Variants in HMOX2 observed in about 807,000 individuals in gnomAD.
HMOX2 encodes heme oxygenase (decycling) 2.
Under a neutral mutation model 33.7 loss-of-function variants are expected in HMOX2, and 30 were observed. That is an observed-to-expected ratio of 0.89 (90% CI 0.67 to 1.21). The LOEUF is 1.21. Ranked by LOEUF, HMOX2 falls within the 50% of genes most tolerant of loss-of-function variation. The pLI is 0.00. For synonymous variants in HMOX2, 155 were observed against 155.0 expected (o/e 1.00, Z 0.00); for missense variants, 403 against 399.1 (o/e 1.01, Z -0.08).
rs915604952 is a variant in HMOX2 at position 4,484,367 on chromosome 16, A to C, written c.-42+7880A>C. ...AACAGTAGTATGAGGCCATTTGAGA[A>C]GTATATATAGTTATCCCTCAGTATC... On this transcript the variant is annotated intron_variant, in intron 1 of 5. Transcript: ENST00000570646. Among the ~76,000 whole-genome samples, 7 of 152,250 alleles carry C rather than the reference A, an allele frequency of 4.6e-5. No individual in the cohort carries two copies. The South Asian group carries it at 1.5e-3, about 32-fold the overall frequency.
intron 1 of HMOX2, among the ~76,000 whole-genome samples, chr16:4,499,139 C>T (rs2058496300): frequency 6.6e-6 from 1 of 152,226 alleles, no homozygotes; most frequent in Non-Finnish European, 1.5e-5. Flanking sequence ...TGTTCTTCCT[C>T]AGTGTTTAAC....
At chr16:4,495,644 A>T (rs1259227758) in intron 1 of HMOX2, 1 of 152,238 alleles carries the variant, frequency 6.6e-6, no homozygotes, top group South Asian at 2.1e-4. Flanking sequence ...AGTTTATGTT[A>T]ACATACTTTC....
rs555739482 is a variant in HMOX2 at position 4,509,054 on chromosome 16, C to T, written c.697-358C>T. Among the ~76,000 whole-genome samples the T allele has an allele frequency of 6.6e-4, 100 of 152,312 alleles. 1 individual carries two copies. The highest frequency in any genetic ancestry group is 7.1e-4 in the Non-Finnish European group (48 of 68,022). On this transcript the variant is annotated intron_variant, in intron 4 of 5. Transcript: ENST00000570646. ...CAGCTCACTCTCTCTGGAGGGCGTC[C>T]TCTAAAAGGAGAGTGTAGCCAGGCG...
chr16:4,479,726 A>ATTTTTTTTTTTT (rs58936845), intron 1 of HMOX2, among the ~76,000 whole-genome samples: 2 of 79,850 alleles, frequency 2.5e-5, no homozygotes, highest in Non-Finnish European at 2.3e-5. Flanking sequence ...TTCTTATTCT[A>ATTTTTTTTTTTT]TTTTTTTTTT....
chr16:4,480,334 C>A lies in HMOX2; in HGVS notation c.-42+3847C>A, dbSNP rs186277529. On this transcript the variant is annotated intron_variant, in intron 1 of 5. Coordinates refer to ENST00000570646, the MANE Select transcript of HMOX2 (RefSeq NM_002134.4). ...AAGTGCTAGTATTACAGGCGTGAGCCACAGCACCCGGCCTTTTTTTTTTTT... is the reference window on the plus strand; with the variant it reads ...AAGTGCTAGTATTACAGGCGTGAGCAACAGCACCCGGCCTTTTTTTTTTTT... 8.8e-5 allele frequency among the ~76,000 whole-genome samples: 13 copies of A among 147,178 alleles called. No homozygotes were observed. The East Asian group carries it at 2.7e-3, about 30-fold the overall frequency.
intron 1 of HMOX2, among the ~76,000 whole-genome samples, chr16:4,484,328 T>C (rs773551174): frequency 2.3e-4 from 35 of 152,016 alleles, no homozygotes; most frequent in Admixed American, 5.3e-4. Context: ...TGCCTAAAGG[T>C]AGAAGGATCA....
At chr16:4,479,804 T>A (rs1348854729) in intron 1 of HMOX2, among the ~76,000 whole-genome samples, 3 of 139,460 alleles carry the variant, frequency 2.2e-5, no homozygotes, top group Non-Finnish European at 4.5e-5. Context: ...GGTGGCACAA[T>A]CTCAGCTCAC....
chr16:4,500,361 C>T (rs2058528192), intron 1 of HMOX2, among the ~76,000 whole-genome samples: 1 of 152,166 alleles, frequency 6.6e-6, no homozygotes, highest in Admixed American at 6.6e-5. Flanking sequence ...GCCACTTAGC[C>T]TCCCTGTGTT....
At chr16:4,501,790 G>T (rs962635124) in intron 1 of HMOX2, among the ~76,000 whole-genome samples, 1 of 152,150 alleles carries the variant, frequency 6.6e-6, no homozygotes, top group African/African-American at 2.4e-5. Context: ...GTTGCAAGGT[G>T]GCCTCTGAAT....
At chr16:4,507,122 C>T (rs527842814) in intron 3 of HMOX2, 110 bp downstream of exon 3, 10 of 738,852 alleles carry the variant, frequency 1.4e-5, no homozygotes, top group Non-Finnish European at 2.2e-5. Context: ...CTGGGCTTTT[C>T]TCCACACTCC....
intron 1 of HMOX2, among the ~76,000 whole-genome samples, chr16:4,500,398 T>TG (rs1288470104): frequency 6.6e-6 from 1 of 152,172 alleles, no homozygotes; most frequent in Non-Finnish European, 1.5e-5. Context: ...GAGTTCATGT[T>TG]GTGGGCATCT....
upstream of HMOX2, chr16:4,475,789 A>C (rs951355597): frequency 6.6e-6 from 1 of 152,034 alleles, no homozygotes; most frequent in South Asian, 2.1e-4. Flanking sequence ...AAATACAAAA[A>C]TTAGCCGGGC....
chr16:4,497,699 C>T (rs1004778519), intron 1 of HMOX2, among the ~76,000 whole-genome samples: 1 of 152,104 alleles, frequency 6.6e-6, no homozygotes, highest in Non-Finnish European at 1.5e-5. Context: ...CTTCTCTTCT[C>T]CAGTAAAAAA....
chr16:4,490,011 A>G (rs1389823293), intron 1 of HMOX2, among the ~76,000 whole-genome samples: 4 of 152,234 alleles, frequency 2.6e-5, no homozygotes, highest in Admixed American at 2.6e-4. Context: ...GAAATCATTC[A>G]TTCAGTCAAC....
intron 1 of HMOX2, among the ~76,000 whole-genome samples, chr16:4,481,487 C>T (rs944089755): frequency 6.6e-6 from 1 of 152,010 alleles, no homozygotes; most frequent in African/African-American, 2.4e-5. Context: ...TGTCATTGAG[C>T]ATACAGGTGT....
rs923127486 is a variant in HMOX2 at position 4,486,332 on chromosome 16, A to G, written c.-42+9845A>G. On this transcript the variant is annotated intron_variant, in intron 1 of 5. Transcript: ENST00000570646. The stretch of plus-strand genomic sequence containing the variant: ...CTTGTCCAAAGGACAGCGTGTCCCC[A>G]TGTGTAGGCAGTGGTCTAATCTGGT... 5.3e-5 allele frequency among the ~76,000 whole-genome samples: 8 copies of G among 152,212 alleles called. No homozygotes were observed. The East Asian group carries it at 1.3e-3, about 26-fold the overall frequency.
chr16:4,497,386 G>A (rs1053164008), intron 1 of HMOX2, among the ~76,000 whole-genome samples: 1 of 152,158 alleles, frequency 6.6e-6, no homozygotes, highest in Non-Finnish European at 1.5e-5. Flanking sequence ...AACCATTTTA[G>A]AATTCACTCA....
intron 1 of HMOX2, among the ~76,000 whole-genome samples, chr16:4,502,273 C>G (rs543503150): frequency 6.6e-6 from 1 of 152,186 alleles, no homozygotes; most frequent in South Asian, 2.1e-4. Context: ...TTTAATTAAG[C>G]AAGACTATAC....
At position 4,505,627 on chromosome 16, in the gene HMOX2, G is replaced by T. The variant is rs1210447882; in HGVS notation, c.86+17G>T. On this transcript the variant is annotated intron_variant, in intron 2 of 5. Transcript: ENST00000570646. ...CCAAATGAGGTGAGCGATGGGGGCT[G>T]GCTGCACTGAATCAGGTGGGCCCAG... The T allele has an allele frequency of 1.9e-6, 3 of 1,548,660 alleles. No individual in the cohort carries two copies. The highest frequency in any genetic ancestry group is 2.3e-5 in the South Asian group (2 of 86,252).
Sources: allele counts gnomAD v4.1 joint callset (sites outside exome capture counted in the v4.1 genomes callset), GRCh38; gene constraint gnomAD v4.1.1; transcripts MANE v1.5; gene names NCBI Gene and HGNC (gene_info 2026-07-23, HGNC 2026-07-21).